ZC3H12D: variants seen among roughly 807,000 people sequenced by gnomAD.
ZC3H12D encodes probable ribonuclease ZC3H12D.
A neutral mutation model predicts 24.2 loss-of-function variants in ZC3H12D; 11 were observed. The ratio of observed to expected loss-of-function variants is 0.46; its 90% CI spans 0.29 to 0.75. The LOEUF is 0.75. Among genes scored for constraint, ZC3H12D ranks in the 30% least tolerant of loss-of-function variants. The pLI is 0.11. For missense variants in ZC3H12D, 740 were observed against 767.7 expected, an observed-to-expected ratio of 0.96 and a Z score of 0.43; for synonymous variants, 333 against 341.8, an observed-to-expected ratio of 0.97 and a Z score of 0.28.
intron 2 of ZC3H12D, among the ~76,000 whole-genome samples, chr6:149,462,999 T>G (rs140104591): frequency 6.6e-6 from 1 of 152,238 alleles, no homozygotes; most frequent in Non-Finnish European, 1.5e-5. Flanking sequence ...TCACTACTCC[T>G]TAATAAACTC....
intron 2 of ZC3H12D, among the ~76,000 whole-genome samples, chr6:149,472,097 T>C (rs940815768): frequency 6.6e-6 from 1 of 152,170 alleles, no homozygotes; most frequent in Non-Finnish European, 1.5e-5. Flanking sequence ...CCTGAACCTT[T>C]CACAACTAAG....
Position 149,456,661 on chromosome 6 carries a change from C to A in ZC3H12D, c.680+5G>T. 9.9e-6 allele frequency: 16 copies of A among 1,610,634 alleles called. No individual in the cohort carries two copies. The highest frequency in any genetic ancestry group is 1.4e-5 in the Non-Finnish European group (16 of 1,177,786). ...CCAGGGTGTCAGGACCCCAGCCGGACCTACCGGTCGTTGACGAAGGAGAAC... is the reference window on the plus strand; with the variant it reads ...CCAGGGTGTCAGGACCCCAGCCGGAACTACCGGTCGTTGACGAAGGAGAAC... On this transcript the variant is annotated splice_donor_5th_base_variant and intron_variant, in intron 4 of 5. Transcript: ENST00000409806. The surrounding 1 kb of genome is among the most constrained non-coding windows in gnomAD (Gnocchi z 4.3).
intron 1 of ZC3H12D, among the ~76,000 whole-genome samples, chr6:149,480,503 G>A (rs899583305): frequency 3.9e-5 from 6 of 152,228 alleles, no homozygotes; most frequent in Admixed American, 2.0e-4. Flanking sequence ...AGTGGCTTAT[G>A]CCTGTAATCC....
At chr6:149,460,198 T>C (rs1489739492) in intron 3 of ZC3H12D, among the ~76,000 whole-genome samples, 1 of 152,194 alleles carries the variant, frequency 6.6e-6, no homozygotes, top group Non-Finnish European at 1.5e-5. Flanking sequence ...GCATCCCTAA[T>C]CCAAAAATCC....
rs770724295 is a variant in ZC3H12D, at chr6:149,450,952, G to C, written c.1315C>G (p.Arg439Gly). 3.3e-6 allele frequency: 5 copies of C among 1,531,140 alleles called. No individual in the cohort carries two copies. The highest frequency in any genetic ancestry group is 1.2e-5 in the South Asian group (1 of 83,398). The allele number at this position is 1,531,140 out of a possible 1,614,324, so 94.8% of individuals were successfully genotyped here. A position where few individuals can be genotyped will look rare whatever the true frequency, so the allele number is the denominator to read the frequency against. The change falls in exon 6 of 6, where the codon CGT (arginine) becomes GGT (glycine). Residue 439 changes from arginine (R) to glycine (G), a missense_variant. Coordinates refer to ENST00000409806, the MANE Select transcript of ZC3H12D (RefSeq NM_207360.3). The part of the protein sequence containing the change: ...PRRPPDDPWA[R>G]PPRSDRFPGR... ...GGGAAGCGGTCGGAGCGGGGTGGAC[G>C]GGCCCACGGGTCGTCGGGTGGCCTG...
chr6:149,478,148 C>T (rs1017017928), intron 1 of ZC3H12D, among the ~76,000 whole-genome samples: 2 of 127,696 alleles, frequency 1.6e-5, no homozygotes, highest in Admixed American at 1.8e-4. Flanking sequence ...GCCTGGGCAA[C>T]AGAGCAAGAC....
At chr6:149,470,043 AAAG>A (rs1776221003) in intron 2 of ZC3H12D, among the ~76,000 whole-genome samples, 1 of 152,242 alleles carries the variant, frequency 6.6e-6, no homozygotes, top group African/African-American at 2.4e-5. Flanking sequence ...CTGAACCTCT[AAAG>A]AAGAGAAATT....
rs1484696015 is a variant in ZC3H12D at position 149,456,614 on chromosome 6, C to T, written c.680+52G>A. 6 of 1,190,650 alleles carry T rather than the reference C, an allele frequency of 5.0e-6. No individual in the cohort carries two copies. The highest frequency in any genetic ancestry group is 1.5e-5 in the African/African-American group (1 of 66,942). 73.8% of individuals were successfully genotyped at this position (1,190,650 alleles called of 1,614,324 possible). On this transcript the variant is annotated intron_variant, in intron 4 of 5. Transcript: ENST00000409806. This position sits in a 1 kb window ranked among gnomAD's most constrained non-coding sequence, Gnocchi z 4.3. ...GCAGGCGTGGCCACTGCCTCGACCC[C>T]GGCCCCCCGCCCCGCCGCCCCCCAG... is the stretch of plus-strand genomic sequence containing the variant.
chr6:149,460,273 G>A (rs1456081133), intron 3 of ZC3H12D, among the ~76,000 whole-genome samples: 1 of 152,202 alleles, frequency 6.6e-6, no homozygotes, highest in East Asian at 1.9e-4. Flanking sequence ...TTTGGATTAG[G>A]AATGCTCAGC....
rs1424341756 is a variant in ZC3H12D at position 149,450,938 on chromosome 6, G to T, written c.1329C>A (p.Ser443=). The part of the protein sequence containing the change: ...PDDPWARPPR[S]DRFPGRSVWA... ...AGACGGAGCGCCCAGGGAAGCGGTCGGAGCGGGGTGGACGGGCCCACGGGT... is the reference window on the plus strand; with the variant it reads ...AGACGGAGCGCCCAGGGAAGCGGTCTGAGCGGGGTGGACGGGCCCACGGGT... Residue 443 remains serine (S), a synonymous_variant, in exon 6 of 6, where the codon TCC becomes TCA. Coordinates refer to ENST00000409806, the MANE Select transcript of ZC3H12D (RefSeq NM_207360.3). The T allele has an allele frequency of 6.5e-7, 1 of 1,538,782 alleles. No individual in the cohort carries two copies.
chr6:149,460,861 G>T (rs981388169), intron 3 of ZC3H12D, among the ~76,000 whole-genome samples: 18 of 151,756 alleles, frequency 1.2e-4, no homozygotes, highest in African/African-American at 3.9e-4. Flanking sequence ...GAAACTAGCT[G>T]GGTGTGGTGA....
At chr6:149,470,230 C>T (rs956907773) in intron 2 of ZC3H12D, among the ~76,000 whole-genome samples, 3 of 152,064 alleles carry the variant, frequency 2.0e-5, no homozygotes, top group Non-Finnish European at 4.4e-5. Flanking sequence ...CATATTGGCA[C>T]ACACCTGTAG....
At chr6:149,467,904 CTG>C (rs1470164899) in intron 2 of ZC3H12D, among the ~76,000 whole-genome samples, 1 of 152,218 alleles carries the variant, frequency 6.6e-6, no homozygotes, top group African/African-American at 2.4e-5. Flanking sequence ...TTAACCAACA[CTG>C]TGAACCAGCT....
chr6:149,464,870 G>A (rs1209600917), intron 2 of ZC3H12D, among the ~76,000 whole-genome samples: 1 of 152,270 alleles, frequency 6.6e-6, no homozygotes, highest in African/African-American at 2.4e-5. Flanking sequence ...CGGGCAACAG[G>A]TGTAAAGGGA....
intron 2 of ZC3H12D, among the ~76,000 whole-genome samples, chr6:149,469,949 G>A (rs1168471505): frequency 2.0e-5 from 3 of 152,166 alleles, no homozygotes; most frequent in African/African-American, 7.2e-5. Flanking sequence ...TAATGTCTGG[G>A]GGGAACATGG....
Position 149,456,774 on chromosome 6 carries a change from T to C in ZC3H12D, c.572A>G (p.Asp191Gly). The change falls in exon 4 of 6, where the codon GAC becomes GGC. Residue 191 changes from aspartate (D) to glycine (G), a missense_variant. Physicochemically the swap from Asp to Gly is moderately conservative, Grantham distance 94 (BLOSUM62 -1). Transcript: ENST00000409806. This position sits in a 1 kb window ranked among gnomAD's most constrained non-coding sequence, Gnocchi z 4.3. ...RYIVKVAYEQ[D>G]GVIVSNDNYR... ...GTTGTCGTTGGAGACGATGACGCCG[T>C]CCTGCTCGTAGGCCACCTTCACGAT... 1 of 1,613,728 alleles carries C rather than the reference T, an allele frequency of 6.2e-7. No individual in the cohort carries two copies. Among genetic ancestry groups the C allele is most frequent in the Non-Finnish European group, 8.5e-7 (1 of 1,179,800 alleles).
At chr6:149,457,788 A>G (rs1776007635) in intron 3 of ZC3H12D, among the ~76,000 whole-genome samples, 1 of 152,172 alleles carries the variant, frequency 6.6e-6, no homozygotes, top group Non-Finnish European at 1.5e-5. Context: ...AGGAAAAAAA[A>G]AATCCGTTTG....
intron 1 of ZC3H12D, among the ~76,000 whole-genome samples, chr6:149,475,405 A>G (rs1776319199): frequency 6.6e-6 from 1 of 152,098 alleles, no homozygotes; most frequent in Non-Finnish European, 1.5e-5. Flanking sequence ...CTCAGACCAC[A>G]CTGAACCTCT....
At chr6:149,475,966 T>C (rs1776333808) in intron 1 of ZC3H12D, among the ~76,000 whole-genome samples, 1 of 152,194 alleles carries the variant, frequency 6.6e-6, no homozygotes, top group Non-Finnish European at 1.5e-5. Context: ...AACATATTTA[T>C]TGCAAGCGAA....
Sources: gnomAD v4.1 joint callset for allele counts (sites outside exome capture counted in the v4.1 genomes callset) on GRCh38, gnomAD v4.1.1 for gene constraint, Gnocchi (gnomAD v3.1) non-coding constraint, MANE v1.5 for transcripts, NCBI Gene and HGNC (gene_info 2026-07-23, HGNC 2026-07-21) for gene names.